The following TRIM25 variants were observed in gnomAD, a reference collection of about 807,000 sequenced individuals.
The protein encoded by TRIM25 is tripartite motif containing 25, also known as E3 ubiquitin/ISG15 ligase TRIM25.
In TRIM25, 45 loss-of-function variants were observed where a neutral mutation model predicts 65.2. That is an observed-to-expected ratio of 0.69 (90% CI 0.54 to 0.89). The LOEUF (loss-of-function observed/expected upper bound fraction) is 0.89. Among genes scored for constraint, TRIM25 ranks in the 40% least tolerant of loss-of-function variants. TRIM25 has a pLI of 0.00. For synonymous variants in TRIM25, 321 were observed against 340.4 expected (o/e 0.94, Z 0.63); for missense variants, 714 against 803.7 (o/e 0.89, Z 1.35).
chr17:56,912,744 C>G (rs957011899), intron 1 of TRIM25: 1 of 152,138 alleles, frequency 6.6e-6, no homozygotes, highest in African/African-American at 2.4e-5. Context: ...TAAAATGAAA[C>G]TAAATCATAT....
intron 4 of TRIM25, among the ~76,000 whole-genome samples, chr17:56,900,121 G>A (rs951530567): frequency 2.0e-5 from 3 of 152,212 alleles, no homozygotes; most frequent in Non-Finnish European, 4.4e-5. Context: ...GGCTGAGGCA[G>A]GAGAAATGCT....
chr17:56,899,476 G>A (rs765207248), intron 4 of TRIM25, among the ~76,000 whole-genome samples: 4 of 152,194 alleles, frequency 2.6e-5, no homozygotes, highest in Admixed American at 6.5e-5. Flanking sequence ...AGCACACAAT[G>A]GGGATGACTT....
In TRIM25 at chr17:56,890,012, T is replaced by TCGGTG; in HGVS notation, c.*1687_*1688insCACCG. On this transcript the variant is annotated 3_prime_UTR_variant, in exon 9 of 9. Transcript: ENST00000316881. ...TGTACCTGCATGTCAGGTGTGTAGC[T>TCGGTG]GTCAGGAATATCAAGTGTTCTGAGC... 2.7e-5 allele frequency: 11 copies of TCGGTG among 403,546 alleles called. No individual in the cohort carries two copies. The highest frequency in any genetic ancestry group is 1.2e-4 in the South Asian group (1 of 8,318). The allele number at this position is 403,546 out of a possible 1,614,324, so 25.0% of individuals were successfully genotyped here.
chr17:56,901,333 C>T (rs918106609), intron 4 of TRIM25, 86 bp downstream of exon 4: 22 of 1,458,160 alleles, frequency 1.5e-5, no homozygotes, highest in Non-Finnish European at 1.8e-5. Context: ...CGGGATCACG[C>T]CCCAATCTCC....
intron 8 of TRIM25, among the ~76,000 whole-genome samples, chr17:56,894,317 C>G (rs952269966): frequency 6.6e-6 from 1 of 152,196 alleles, no homozygotes; most frequent in African/African-American, 2.4e-5. Flanking sequence ...GGCACAATCT[C>G]GGCTCACTGC....
chr17:56,896,765 G>A (rs985461494), intron 5 of TRIM25, among the ~76,000 whole-genome samples: 1 of 151,958 alleles, frequency 6.6e-6, no homozygotes, highest in East Asian at 1.9e-4. Context: ...CTCAAAGTCT[G>A]GTGCCCAAGC....
intron 8 of TRIM25, among the ~76,000 whole-genome samples, chr17:56,893,397 C>T (rs1403481793): frequency 6.6e-6 from 1 of 152,190 alleles, no homozygotes; most frequent in Non-Finnish European, 1.5e-5. Flanking sequence ...CGTGGCTCAG[C>T]ACCGCCGCTA....
chr17:56,889,455 C>T lies in TRIM25; in HGVS notation c.*2245G>A, dbSNP rs560678268. On this transcript the variant is annotated 3_prime_UTR_variant, in exon 9 of 9. Transcript: ENST00000316881. Reference sequence around the variant, plus strand: ...CAAAGGTTCCTCCAACTCTAGGACTCCAGGGTTGTGTGGCGGCCCTGCAAG... The same window carrying T: ...CAAAGGTTCCTCCAACTCTAGGACTTCAGGGTTGTGTGGCGGCCCTGCAAG... 179 of 290,754 alleles carry T rather than the reference C, an allele frequency of 6.2e-4. No homozygotes were observed. Among genetic ancestry groups the T allele is most frequent in the Non-Finnish European group, 9.9e-4 (156 of 158,082 alleles). 18.0% of individuals were successfully genotyped at this position (290,754 alleles called of 1,614,324 possible).
At position 56,895,436 on chromosome 17, in the gene TRIM25, C is replaced by A. The variant is rs1423926714; in HGVS notation, c.1270G>T (p.Ala424Ser). Residue 424 changes from alanine (A) to serine (S), a missense_variant, in exon 8 of 9, where the codon GCC becomes TCC. Coordinates refer to ENST00000316881, the MANE Select transcript of TRIM25 (RefSeq NM_005082.5). The part of the protein sequence containing the change: ...DLKQAGLEAA[A>S]KATSSHPNST... ...TTCGGATGTGAGCTGGTGGCTTTGGCTGCAGCTGGGAGAGGAAACAGAGAG... is the reference window on the plus strand; with the variant it reads ...TTCGGATGTGAGCTGGTGGCTTTGGATGCAGCTGGGAGAGGAAACAGAGAG... 1.1e-5 allele frequency: 18 copies of A among 1,614,056 alleles called. No homozygotes were observed. Among genetic ancestry groups the A allele is most frequent in the Non-Finnish European group, 1.5e-5 (18 of 1,180,034 alleles).
chr17:56,908,710 G>A, intron 1 of TRIM25, 147 bp from the exon 2 acceptor site: 1 of 721,526 alleles, frequency 1.4e-6, no homozygotes, highest in Non-Finnish European at 2.4e-6. Flanking sequence ...CCCGAGTCTT[G>A]CCTGCTTGGA....
rs920167173 is a variant in TRIM25, at chr17:56,906,868, T to C, written c.693+1600A>G. Among the ~76,000 whole-genome samples, 9 of 152,306 alleles carry C rather than the reference T, an allele frequency of 5.9e-5. 1 individual carries two copies. Among genetic ancestry groups the C allele is most frequent in the East Asian group, 1.9e-4 (1 of 5,180 alleles). ...CCCCCAGTGTTCATTTTCCCTTTTT[T>C]CCTTTTGGTAAGAGAACATCCCTGG... On this transcript the variant is annotated intron_variant, in intron 2 of 8. Transcript: ENST00000316881.
At chr17:56,894,099 A>G (rs190320740) in intron 8 of TRIM25, among the ~76,000 whole-genome samples, 2 of 152,322 alleles carry the variant, frequency 1.3e-5, no homozygotes, top group East Asian at 1.9e-4. Flanking sequence ...AGAGCCACCA[A>G]TGTAGAAAAT....
Position 56,908,567 on chromosome 17 carries a change from CAG to C in TRIM25, c.598-6_598-5del, listed in dbSNP as rs1909567011. On this transcript the variant is annotated splice_region_variant and splice_polypyrimidine_tract_variant and intron_variant, in intron 1 of 8. Transcript: ENST00000316881. The stretch of plus-strand genomic sequence containing the variant: ...TTAGTTTGTGCCTCAGGGTGGCCTG[CAG>C]GGAAAACAAATGAGGTTGAGAATGC... 1.2e-6 allele frequency: 2 copies of C among 1,613,234 alleles called. No homozygotes were observed. The highest frequency in any genetic ancestry group is 1.7e-6 in the Non-Finnish European group (2 of 1,179,990).
Position 56,901,411 on chromosome 17 carries a change from A to T in TRIM25, c.1087+8T>A. 6.2e-7 allele frequency: 1 copy of T among 1,613,404 alleles called. No individual in the cohort carries two copies. Among genetic ancestry groups the T allele is most frequent in the Non-Finnish European group, 8.5e-7 (1 of 1,179,842 alleles). On this transcript the variant is annotated splice_region_variant and intron_variant, in intron 4 of 8. Coordinates refer to ENST00000316881, the MANE Select transcript of TRIM25 (RefSeq NM_005082.5). ...ACAGGGGGCAGCATAGGGGGCTGCT[A>T]AGGTCACCTGAACTGGGGGTGGGCT...
rs750671091 is a variant in TRIM25 at position 56,892,168 on chromosome 17, G to A, written c.1425C>T (p.Cys475=). 6.2e-7 allele frequency: 1 copy of A among 1,613,522 alleles called. No individual in the cohort carries two copies. Among genetic ancestry groups the A allele is most frequent in the Non-Finnish European group, 8.5e-7 (1 of 1,179,526 alleles). ...TCTCAGCCACAGAAGCTACTGTATAGCACTCTGACAGAGCCACTTTGTTGT... is the reference window on the plus strand; with the variant it reads ...TCTCAGCCACAGAAGCTACTGTATAACACTCTGACAGAGCCACTTTGTTGT... ...TAHNKVALSE[C]YTVASVAEMP... Residue 475 remains cysteine (C), a synonymous_variant, in exon 9 of 9, where the codon TGC becomes TGT. Transcript: ENST00000316881.
At chr17:56,896,094 C>T (rs1909286818) in intron 5 of TRIM25, 142 bp from the exon 6 acceptor site, 1 of 895,958 alleles carries the variant, frequency 1.1e-6, no homozygotes, top group Non-Finnish European at 1.7e-6. Context: ...AGTCAGCAGG[C>T]AAAATGAATC....
rs377479812 is a variant in TRIM25 at position 56,891,692 on chromosome 17, C to T, written c.*8G>A. 4.4e-5 allele frequency: 70 copies of T among 1,608,556 alleles called. No homozygotes were observed. Among genetic ancestry groups the T allele is most frequent in the Non-Finnish European group, 5.6e-5 (66 of 1,176,674 alleles). ...TGCAGGCAGTCAGCCCAAGTGCCTA[C>T]AGCCTGCCTACTTGGGGGAGCAGAT... On this transcript the variant is annotated 3_prime_UTR_variant, in exon 9 of 9. Coordinates refer to ENST00000316881, the MANE Select transcript of TRIM25 (RefSeq NM_005082.5).
intron 6 of TRIM25, 65 bp downstream of exon 6, chr17:56,895,861 C>G (rs1281786785): frequency 6.3e-7 from 1 of 1,582,254 alleles, no homozygotes; most frequent in African/African-American, 1.4e-5. Context: ...ACTCTCACTA[C>G]CAGCATTTAG....
intron 5 of TRIM25, 90 bp from the exon 6 acceptor site, chr17:56,896,042 C>A (rs930825737): frequency 1.5e-6 from 2 of 1,335,858 alleles, no homozygotes; most frequent in Admixed American, 4.4e-5. Context: ...ATGAATTTGA[C>A]CCAGACAAAT....
Sources: allele counts gnomAD v4.1 joint callset (sites outside exome capture counted in the v4.1 genomes callset), GRCh38; gene constraint gnomAD v4.1.1; transcripts MANE v1.5; gene names NCBI Gene and HGNC (gene_info 2026-07-23, HGNC 2026-07-21).